Variants in ATF7IP observed in about 807,000 individuals in gnomAD.
ATF7IP encodes activating transcription factor 7-interacting protein 1.
Under a neutral mutation model 106.4 loss-of-function variants are expected in ATF7IP, and 23 were observed. The ratio of observed to expected loss-of-function variants is 0.22; its 90% CI spans 0.16 to 0.31. The LOEUF (loss-of-function observed/expected upper bound fraction) is 0.31. Ranked by LOEUF, ATF7IP falls within the 10% of genes least tolerant of loss-of-function variation. ATF7IP has a pLI of 1.00. For synonymous variants in ATF7IP, 542 were observed against 539.0 expected, an observed-to-expected ratio of 1.01 and a Z score of -0.08; for missense variants, 1,334 against 1,524.3, an observed-to-expected ratio of 0.88 and a Z score of 2.08.
At chr12:14,479,896 C>A (rs1944381408) in intron 12 of ATF7IP, among the ~76,000 whole-genome samples, 1 of 152,020 alleles carries the variant, frequency 6.6e-6, no homozygotes, top group Non-Finnish European at 1.5e-5. Flanking sequence ...TCTTTCTTTA[C>A]ATTTATACAA....
chr12:14,483,808 G>C (rs75494118), intron 13 of ATF7IP, among the ~76,000 whole-genome samples: 9 of 152,072 alleles, frequency 5.9e-5, no homozygotes, highest in African/African-American at 2.2e-4. Context: ...CCTTTTGAAT[G>C]CTTCAGGACA....
At chr12:14,388,812 G>A (rs1283808146) in intron 1 of ATF7IP, among the ~76,000 whole-genome samples, 1 of 152,064 alleles carries the variant, frequency 6.6e-6, no homozygotes, top group African/African-American at 2.4e-5. Flanking sequence ...GCTAATTTTT[G>A]TGTTTTTAGT....
At position 14,502,639 on chromosome 12, in the gene ATF7IP, A is replaced by G. The variant is rs74468962; in HGVS notation, c.*4566A>G. ...TATCAGCCATTTTAAAATTAAATATAAAAATCCTTTGTAAGAAACTTGCAT... is the reference window on the plus strand; with the variant it reads ...TATCAGCCATTTTAAAATTAAATATGAAAATCCTTTGTAAGAAACTTGCAT... On this transcript the variant is annotated 3_prime_UTR_variant, in exon 15 of 15. Coordinates refer to ENST00000261168, the MANE Select transcript of ATF7IP (RefSeq NM_018179.5). 1 of 152,164 alleles carries G rather than the reference A, an allele frequency of 6.6e-6. No homozygotes were observed. Among genetic ancestry groups the G allele is most frequent in the Non-Finnish European group, 1.5e-5 (1 of 68,024 alleles). 9.4% of individuals were successfully genotyped at this position (152,164 alleles called of 1,614,324 possible).
At chr12:14,432,244 A>G (rs1032976243) in intron 2 of ATF7IP, among the ~76,000 whole-genome samples, 5 of 152,216 alleles carry the variant, frequency 3.3e-5, no homozygotes, top group African/African-American at 1.2e-4. Flanking sequence ...TGCTAAATAA[A>G]GACTATGTAA....
At chr12:14,484,981 C>A (rs889831971) in intron 13 of ATF7IP, among the ~76,000 whole-genome samples, 10 of 152,098 alleles carry the variant, frequency 6.6e-5, no homozygotes, top group Non-Finnish European at 1.5e-4. Flanking sequence ...AGAGCTGTCT[C>A]TCAAAAGGAG....
chr12:14,396,287 C>G (rs76296888), intron 1 of ATF7IP, among the ~76,000 whole-genome samples: 7,893 of 152,098 alleles, frequency 0.052, 696 homozygotes, highest in African/African-American at 0.18. Context: ...GGTGGGACTT[C>G]CAGTTCTCTA....
At chr12:14,451,615 G>T (rs1223471343) in intron 6 of ATF7IP, among the ~76,000 whole-genome samples, 3 of 146,756 alleles carry the variant, frequency 2.0e-5, no homozygotes, top group Non-Finnish European at 3.0e-5. Context: ...TCTTTGACTT[G>T]TTGGTTTTTT....
chr12:14,495,894 C>T (rs1160558724), intron 13 of ATF7IP, among the ~76,000 whole-genome samples: 3 of 152,154 alleles, frequency 2.0e-5, no homozygotes, highest in Non-Finnish European at 2.9e-5. Flanking sequence ...TGGTAACGAT[C>T]CATTTATTTC....
intron 2 of ATF7IP, among the ~76,000 whole-genome samples, chr12:14,427,492 C>T (rs543732130): frequency 2.6e-5 from 4 of 152,064 alleles, no homozygotes; most frequent in East Asian, 3.9e-4. Context: ...CCGCCTCCTG[C>T]GTAGCTGGGA....
At chr12:14,477,966 T>C (rs140636396) in intron 11 of ATF7IP, among the ~76,000 whole-genome samples, 35 of 152,322 alleles carry the variant, frequency 2.3e-4, no homozygotes, top group African/African-American at 7.0e-4. Context: ...CATCAGTTTA[T>C]AGATATTTGT....
intron 1 of ATF7IP, among the ~76,000 whole-genome samples, chr12:14,408,282 C>T (rs986666495): frequency 1.3e-5 from 2 of 151,742 alleles, no homozygotes; most frequent in Non-Finnish European, 1.5e-5. Context: ...TATTTTTTTC[C>T]AAGAAAATAG....
intron 13 of ATF7IP, among the ~76,000 whole-genome samples, chr12:14,489,791 C>T (rs2136849442): frequency 6.6e-6 from 1 of 152,270 alleles, no homozygotes; most frequent in South Asian, 2.1e-4. Context: ...ACTTACTCAG[C>T]CGTACAGTGA....
chr12:14,397,265 C>T (rs1479320993), intron 1 of ATF7IP, among the ~76,000 whole-genome samples: 1 of 152,122 alleles, frequency 6.6e-6, no homozygotes, highest in East Asian at 1.9e-4. Flanking sequence ...TGTGAATGAT[C>T]CAAAATTTGG....
chr12:14,424,986 A>G lies in ATF7IP; in HGVS notation c.1071A>G (p.Thr357=). The change falls in exon 2 of 15, where the codon ACA becomes ACG. Residue 357 remains threonine (T), a synonymous_variant. Coordinates refer to ENST00000261168, the MANE Select transcript of ATF7IP (RefSeq NM_018179.5). ...AAGAAACTCTAGAAACAGATGATAC[A>G]ACTATTTGTTCAGATCGACCTCCTG... ...ANEETLETDD[T]TICSDRPPEN... 1 of 1,610,826 alleles carries G rather than the reference A, an allele frequency of 6.2e-7. No individual in the cohort carries two copies. Among genetic ancestry groups the G allele is most frequent in the Non-Finnish European group, 8.5e-7 (1 of 1,179,206 alleles).
intron 1 of ATF7IP, among the ~76,000 whole-genome samples, chr12:14,378,737 C>G (rs570925769): frequency 5.3e-5 from 8 of 152,162 alleles, no homozygotes; most frequent in Non-Finnish European, 8.8e-5. Context: ...ATGACCCATT[C>G]CCTTGATACA....
At chr12:14,414,012 A>G (rs973960929) in intron 1 of ATF7IP, among the ~76,000 whole-genome samples, 7 of 152,190 alleles carry the variant, frequency 4.6e-5, no homozygotes, top group Non-Finnish European at 8.8e-5. Flanking sequence ...TAACTTCTTC[A>G]GTTTTACAGT....
At chr12:14,395,518 G>A (rs1591784920) in intron 1 of ATF7IP, among the ~76,000 whole-genome samples, 1 of 152,072 alleles carries the variant, frequency 6.6e-6, no homozygotes, top group East Asian at 1.9e-4. Context: ...TATTACTCAT[G>A]CATACAATAT....
intron 1 of ATF7IP, among the ~76,000 whole-genome samples, chr12:14,386,189 G>T (rs1017892701): frequency 6.6e-6 from 1 of 152,016 alleles, no homozygotes; most frequent in Admixed American, 6.6e-5. Flanking sequence ...ATATTTAAAA[G>T]AAATATAGCT....
chr12:14,445,611 A>G (rs1197179484), intron 5 of ATF7IP, among the ~76,000 whole-genome samples: 1 of 152,236 alleles, frequency 6.6e-6, no homozygotes, highest in Non-Finnish European at 1.5e-5. Flanking sequence ...ATAAATAACT[A>G]AGTCCTTAGG....
Sources: allele counts gnomAD v4.1 joint callset (sites outside exome capture counted in the v4.1 genomes callset), GRCh38; gene constraint gnomAD v4.1.1; transcripts MANE v1.5; gene names NCBI Gene and HGNC (gene_info 2026-07-23, HGNC 2026-07-21).